Variants in CSMD1 observed in about 807,000 individuals in gnomAD.
CSMD1 encodes the protein CUB and sushi domain-containing protein 1.
Under a neutral mutation model 417.5 loss-of-function variants are expected in CSMD1, and 213 were observed. The observed-to-expected ratio is 0.51, with a 90% CI of 0.46 to 0.57. CSMD1 has a LOEUF of 0.57. Among genes scored for constraint, CSMD1 ranks in the 20% least tolerant of loss-of-function variants. The pLI is 0.00. For synonymous variants in CSMD1, 2,862 were observed against 1,736.8 expected, an observed-to-expected ratio of 1.65 and a Z score of -16.11; for missense variants, 6,923 against 4,529.7, an observed-to-expected ratio of 1.53 and a Z score of -15.17.
chr8:4,606,282 G>T (rs1800863736), intron 2 of CSMD1, among the ~76,000 whole-genome samples: 1 of 152,090 alleles, frequency 6.6e-6, no homozygotes, highest in South Asian at 2.1e-4. Context: ...TAAGACAAGG[G>T]ACTGTGACTT....
At chr8:3,217,249 T>G (rs1401103482) in intron 29 of CSMD1, among the ~76,000 whole-genome samples, 4 of 152,278 alleles carry the variant, frequency 2.6e-5, no homozygotes, top group African/African-American at 9.6e-5. Flanking sequence ...TCCTATTCTC[T>G]TTCCTGTGAT....
intron 3 of CSMD1, among the ~76,000 whole-genome samples, chr8:4,160,295 GAA>G (rs1797074082): frequency 6.6e-6 from 1 of 152,044 alleles, no homozygotes; most frequent in Non-Finnish European, 1.5e-5. Context: ...CTGAATTTAG[GAA>G]ACTCTCCAGC....
chr8:4,670,216 C>G (rs982123832), intron 1 of CSMD1, among the ~76,000 whole-genome samples: 6 of 152,188 alleles, frequency 3.9e-5, no homozygotes, highest in Admixed American at 3.3e-4. Flanking sequence ...TATGCCTTCT[C>G]TCATGTTCTT....
chr8:4,130,406 T>C (rs1281518360), intron 3 of CSMD1, among the ~76,000 whole-genome samples: 1 of 152,184 alleles, frequency 6.6e-6, no homozygotes, highest in East Asian at 1.9e-4. Flanking sequence ...ATCAACTTTT[T>C]TACTCTGCCT....
rs551155585 is a variant in CSMD1 at position 3,460,381 on chromosome 8, C to A, written c.1561+8331G>T. On this transcript the variant is annotated intron_variant, in intron 12 of 69. Transcript: ENST00000635120. The stretch of plus-strand genomic sequence containing the variant: ...TGGTGGTGAGAGATGAAGATGGAAT[C>A]TGGAAACCACTTTACAGAATATTCT... 3.9e-4 allele frequency among the ~76,000 whole-genome samples: 60 copies of A among 152,288 alleles called. 1 individual carries two copies. The highest frequency in any genetic ancestry group is 1.3e-3 in the African/African-American group (55 of 41,566).
At chr8:4,232,272 C>T (rs1385505469) in intron 3 of CSMD1, among the ~76,000 whole-genome samples, 2 of 152,168 alleles carry the variant, frequency 1.3e-5, no homozygotes, top group African/African-American at 2.4e-5. Flanking sequence ...GATCTTGGCT[C>T]ACTGCAACCT....
intron 20 of CSMD1, among the ~76,000 whole-genome samples, chr8:3,361,796 T>C (rs1809200895): frequency 1.3e-5 from 2 of 152,198 alleles, no homozygotes; most frequent in African/African-American, 2.4e-5. Flanking sequence ...TTTTACTATA[T>C]ATTGTAGTTT....
At chr8:4,066,931 A>T (rs946365436) in intron 3 of CSMD1, among the ~76,000 whole-genome samples, 1 of 152,218 alleles carries the variant, frequency 6.6e-6, no homozygotes, top group Non-Finnish European at 1.5e-5. Flanking sequence ...GACAAATGCT[A>T]TTTGTATTGT....
intron 2 of CSMD1, among the ~76,000 whole-genome samples, chr8:4,620,606 G>A (rs542496872): frequency 6.6e-6 from 1 of 151,720 alleles, no homozygotes; most frequent in African/African-American, 2.4e-5. Context: ...ATAGAAATAA[G>A]ACTGCTTGAA....
intron 4 of CSMD1, among the ~76,000 whole-genome samples, chr8:4,004,149 G>C (rs570241404): frequency 6.6e-6 from 1 of 152,058 alleles, no homozygotes; most frequent in South Asian, 2.1e-4. Flanking sequence ...TAAAGACTAA[G>C]AAATATAAAC....
At chr8:4,301,460 G>A (rs1797977532) in intron 3 of CSMD1, among the ~76,000 whole-genome samples, 1 of 152,190 alleles carries the variant, frequency 6.6e-6, no homozygotes, top group African/African-American at 2.4e-5. Flanking sequence ...TCAGAGACCA[G>A]AGTGGTCCAG....
At chr8:3,674,634 A>T (rs907705545) in intron 7 of CSMD1, among the ~76,000 whole-genome samples, 30 of 152,168 alleles carry the variant, frequency 2.0e-4, no homozygotes, top group African/African-American at 6.8e-4. Context: ...TATTTTACAG[A>T]TAATAAAACT....
intron 1 of CSMD1, among the ~76,000 whole-genome samples, chr8:4,828,655 T>A (rs376793560): frequency 6.6e-6 from 1 of 152,156 alleles, no homozygotes; most frequent in Non-Finnish European, 1.5e-5. Context: ...CGGCATGGGG[T>A]TGGCAATATA....
At chr8:3,143,629 C>A (rs1046366243) in intron 40 of CSMD1, among the ~76,000 whole-genome samples, 6 of 152,062 alleles carry the variant, frequency 3.9e-5, no homozygotes, top group African/African-American at 1.4e-4. Context: ...TGCATAAGTC[C>A]ATGCAGTTAA....
chr8:4,023,591 T>TC (rs1796896440), intron 4 of CSMD1, among the ~76,000 whole-genome samples: 1 of 150,382 alleles, frequency 6.6e-6, no homozygotes. Flanking sequence ...AACTTTTTTT[T>TC]TTTTTTTTTT....
intron 4 of CSMD1, among the ~76,000 whole-genome samples, chr8:4,006,311 AGATG>A (rs1266701594): frequency 1.3e-5 from 2 of 152,212 alleles, no homozygotes; most frequent in African/African-American, 4.8e-5. Flanking sequence ...TGGGAGGCTG[AGATG>A]GATGGATCAC....
intron 2 of CSMD1, among the ~76,000 whole-genome samples, chr8:4,501,056 T>G (rs1360156925): frequency 6.6e-6 from 1 of 151,954 alleles, no homozygotes; most frequent in East Asian, 1.9e-4. Context: ...TCTGAGACAG[T>G]GGGCCAAAAA....
chr8:4,711,605 T>C (rs773844910), intron 1 of CSMD1, among the ~76,000 whole-genome samples: 11 of 152,082 alleles, frequency 7.2e-5, no homozygotes, highest in Admixed American at 7.2e-4. Flanking sequence ...ATTAGAAATA[T>C]AGTCTGTAAG....
At chr8:3,227,656 C>T (rs1287617711) in intron 27 of CSMD1, among the ~76,000 whole-genome samples, 1 of 151,986 alleles carries the variant, frequency 6.6e-6, no homozygotes, top group Non-Finnish European at 1.5e-5. Flanking sequence ...GATTTAGTCA[C>T]TAAAAACGAG....
Sources: gnomAD v4.1 joint callset for allele counts (sites outside exome capture counted in the v4.1 genomes callset) on GRCh38, gnomAD v4.1.1 for gene constraint, MANE v1.5 for transcripts, NCBI Gene and HGNC (gene_info 2026-07-23, HGNC 2026-07-21) for gene names.